Variants in SYT16 observed in about 807,000 individuals in gnomAD.
SYT16 encodes synaptotagmin-16.
Under a neutral mutation model 61.4 loss-of-function variants are expected in SYT16, and 42 were observed. The observed-to-expected ratio is 0.68, with a 90% CI of 0.53 to 0.89. The LOEUF (loss-of-function observed/expected upper bound fraction) is 0.89, where lower values mean the gene tolerates loss of function less well. Among genes scored for constraint, SYT16 ranks in the 40% least tolerant of loss-of-function variants. The pLI is 0.00. For missense variants in SYT16, 804 were observed against 807.3 expected, an observed-to-expected ratio of 1.00 and a Z score of 0.05; for synonymous variants, 314 against 302.3, an observed-to-expected ratio of 1.04 and a Z score of -0.40.
chr14:61,933,009 G>A (rs747490178), intron 1 of SYT16, among the ~76,000 whole-genome samples: 1 of 152,234 alleles, frequency 6.6e-6, no homozygotes, highest in Non-Finnish European at 1.5e-5. Flanking sequence ...AAGATATCAG[G>A]TGTATTGTTA....
At chr14:61,952,132 A>AT (rs5809133) in intron 1 of SYT16, among the ~76,000 whole-genome samples, 538 of 144,936 alleles carry the variant, frequency 3.7e-3, no homozygotes, top group South Asian at 9.5e-3. Flanking sequence ...ATTCATGCTG[A>AT]TTTTTTTTTT....
chr14:62,024,868 T>C (rs2054041907), intron 3 of SYT16, among the ~76,000 whole-genome samples: 1 of 152,132 alleles, frequency 6.6e-6, no homozygotes, highest in African/African-American at 2.4e-5. Context: ...CAGAATGTTA[T>C]ATAGTTGGAC....
chr14:61,975,640 C>T (rs1342204165), intron 2 of SYT16, among the ~76,000 whole-genome samples: 1 of 152,132 alleles, frequency 6.6e-6, no homozygotes, highest in African/African-American at 2.4e-5. Flanking sequence ...GAGAAACCAT[C>T]CCCATGGTTC....
intron 7 of SYT16, among the ~76,000 whole-genome samples, chr14:62,093,980 G>A (rs772463963): frequency 6.6e-6 from 1 of 152,094 alleles, no homozygotes; most frequent in Non-Finnish European, 1.5e-5. Context: ...CCCGTTTACT[G>A]AGGTGATGAT....
At chr14:61,833,559 A>G (rs1349679134) in intron 1 of SYT16, among the ~76,000 whole-genome samples, 1 of 151,826 alleles carries the variant, frequency 6.6e-6, no homozygotes, top group East Asian at 1.9e-4. Flanking sequence ...TGCTGGGATT[A>G]CAGGCGTGAG....
Position 62,051,392 on chromosome 14 carries a change from G to T in SYT16, c.524-18211G>T, listed in dbSNP as rs185386300. Among the ~76,000 whole-genome samples, 4 of 152,346 alleles carry T rather than the reference G, an allele frequency of 2.6e-5. No homozygotes were observed. In the East Asian group the frequency reaches 7.7e-4, roughly 29 times the overall value. On this transcript the variant is annotated intron_variant, in intron 3 of 7. Coordinates refer to ENST00000683842, the MANE Select transcript of SYT16 (RefSeq NM_001367656.1). ...GTCACCCTTTTCTTCGACTAGGAAA[G>T]GGAATTCCCTGACCCCTTGCACTTC...
At chr14:61,960,093 A>T (rs1186601461) in intron 1 of SYT16, among the ~76,000 whole-genome samples, 3 of 152,068 alleles carry the variant, frequency 2.0e-5, no homozygotes, top group African/African-American at 4.8e-5. Context: ...CAGCTTCCTT[A>T]ACTCAGTTTT....
chr14:61,986,028 G>C (rs1044571542), intron 2 of SYT16, among the ~76,000 whole-genome samples: 14 of 151,992 alleles, frequency 9.2e-5, no homozygotes, highest in Admixed American at 9.2e-4. Flanking sequence ...ATCATTTGCA[G>C]GTGAAAAAAT....
rs189339448 is a variant in SYT16 at position 61,907,623 on chromosome 14, T to C, written c.-324-62509T>C. Among the ~76,000 whole-genome samples, 298 of 152,342 alleles carry C rather than the reference T, an allele frequency of 2.0e-3. 1 individual carries two copies. Among genetic ancestry groups the C allele is most frequent in the Non-Finnish European group, 1.9e-3 (132 of 68,024 alleles). ...CCTCTCCACAGGGCTGCTCATGATA[T>C]GGCTGCTACATCTCCCCAGAGTGTG... On this transcript the variant is annotated intron_variant, in intron 1 of 7. Coordinates refer to ENST00000683842, the MANE Select transcript of SYT16 (RefSeq NM_001367656.1).
At chr14:61,865,352 G>T in intron 1 of SYT16, 1 of 669,472 alleles carries the variant, frequency 1.5e-6, no homozygotes, top group South Asian at 1.5e-5. Context: ...GTCCGGAAAG[G>T]GAAACAGGGC....
chr14:61,936,202 G>A (rs1218873008), intron 1 of SYT16, among the ~76,000 whole-genome samples: 1 of 152,146 alleles, frequency 6.6e-6, no homozygotes, highest in Non-Finnish European at 1.5e-5. Flanking sequence ...GGAGAGAATC[G>A]TGATTGAGAG....
chr14:61,885,738 C>T (rs766429031), intron 1 of SYT16, among the ~76,000 whole-genome samples: 2 of 151,908 alleles, frequency 1.3e-5, no homozygotes, highest in Admixed American at 6.6e-5. Context: ...TTTCTCAGTG[C>T]GTATAAAAGT....
intron 7 of SYT16, among the ~76,000 whole-genome samples, chr14:62,096,850 A>C (rs1170981961): frequency 6.6e-6 from 1 of 152,192 alleles, no homozygotes; most frequent in Non-Finnish European, 1.5e-5. Flanking sequence ...TTAGTAGCAC[A>C]TGTGACAAAT....
chr14:62,085,629 G>T (rs140018498), intron 7 of SYT16, among the ~76,000 whole-genome samples: 2 of 152,226 alleles, frequency 1.3e-5, no homozygotes, highest in African/African-American at 4.8e-5. Flanking sequence ...CTATGCTGCA[G>T]CCCACAAAGG....
At chr14:62,042,280 G>A (rs1023101390) in intron 3 of SYT16, among the ~76,000 whole-genome samples, 1 of 152,082 alleles carries the variant, frequency 6.6e-6, no homozygotes, top group Non-Finnish European at 1.5e-5. Flanking sequence ...TAGGATTATA[G>A]GTGTGAGCCA....
At chr14:61,910,623 C>T (rs900313777) in intron 1 of SYT16, among the ~76,000 whole-genome samples, 11 of 151,350 alleles carry the variant, frequency 7.3e-5, no homozygotes, top group African/African-American at 1.7e-4. Flanking sequence ...CTCTGCCTCC[C>T]GGATTCAAAG....
chr14:62,004,103 C>G lies in SYT16; in HGVS notation c.523+7561C>G, dbSNP rs115264489. 4.7e-3 allele frequency among the ~76,000 whole-genome samples: 719 copies of G among 152,194 alleles called. 4 individuals carry two copies. Among genetic ancestry groups the G allele is most frequent in the African/African-American group, 0.016 (681 of 41,538 alleles). The stretch of plus-strand genomic sequence containing the variant: ...ATTTTCACACTGCTATAAAGACATA[C>G]CGGAGACTGGGTAATTTATAAAGAA... On this transcript the variant is annotated intron_variant, in intron 3 of 7. Transcript: ENST00000683842.
intron 1 of SYT16, among the ~76,000 whole-genome samples, chr14:61,846,922 G>A (rs558892881): frequency 1.3e-5 from 2 of 152,178 alleles, no homozygotes; most frequent in South Asian, 2.1e-4. Context: ...AAACAAACAA[G>A]CAAAAAGAAA....
At chr14:61,880,207 G>A (rs79210613) in intron 1 of SYT16, among the ~76,000 whole-genome samples, 2,943 of 152,256 alleles carry the variant, frequency 0.019, 34 homozygotes, top group East Asian at 0.052. Context: ...TGGCATAACC[G>A]TGAATAAATA....
Sources: gnomAD v4.1 joint callset for allele counts (sites outside exome capture counted in the v4.1 genomes callset) on GRCh38, gnomAD v4.1.1 for gene constraint, MANE v1.5 for transcripts, NCBI Gene and HGNC (gene_info 2026-07-23, HGNC 2026-07-21) for gene names.